Variants in PDZRN3 observed in about 807,000 individuals in gnomAD.
PDZRN3 encodes the protein PDZ domain containing ring finger 3, also known as E3 ubiquitin-protein ligase PDZRN3.
In PDZRN3, 38 loss-of-function variants were observed where a neutral mutation model predicts 85.7. That is an observed-to-expected ratio of 0.44 (90% CI 0.34 to 0.58). The LOEUF (loss-of-function observed/expected upper bound fraction) is 0.58, where lower values mean the gene tolerates loss of function less well. PDZRN3 is among the 20% of genes least tolerant of loss of function. The pLI is 0.01. For missense variants in PDZRN3, 1,629 were observed against 1,506.4 expected (o/e 1.08, Z -1.35); for synonymous variants, 759 against 638.0 (o/e 1.19, Z -2.86).
At chr3:73,449,198 C>T (rs1160322557) in intron 3 of PDZRN3, among the ~76,000 whole-genome samples, 1 of 152,140 alleles carries the variant, frequency 6.6e-6, no homozygotes, top group African/African-American at 2.4e-5. Context: ...GAAGGCAGGA[C>T]AGAGCCTTGG....
chr3:73,426,767 CG>C (rs1194525701), intron 3 of PDZRN3, among the ~76,000 whole-genome samples: 2 of 152,136 alleles, frequency 1.3e-5, no homozygotes, highest in African/African-American at 4.8e-5. Flanking sequence ...CCCACCCCAG[CG>C]TTTCTGATTC....
intron 3 of PDZRN3, among the ~76,000 whole-genome samples, chr3:73,586,562 A>G (rs1016457002): frequency 2.6e-5 from 4 of 152,232 alleles, no homozygotes; most frequent in Non-Finnish European, 4.4e-5. Flanking sequence ...ACACTCAAGC[A>G]GGGCCTTCCT....
chr3:73,506,029 G>A (rs1291277179), intron 3 of PDZRN3, among the ~76,000 whole-genome samples: 1 of 152,020 alleles, frequency 6.6e-6, no homozygotes, highest in Non-Finnish European at 1.5e-5. Context: ...GGCAGGTAGA[G>A]AGCAGGTAGA....
At chr3:73,516,348 G>A (rs1057194510) in intron 3 of PDZRN3, among the ~76,000 whole-genome samples, 2 of 152,170 alleles carry the variant, frequency 1.3e-5, no homozygotes, top group African/African-American at 4.8e-5. Context: ...AACAGTTTAT[G>A]AGTGCTTATG....
chr3:73,500,367 T>C (rs1703953742), intron 3 of PDZRN3, among the ~76,000 whole-genome samples: 1 of 152,138 alleles, frequency 6.6e-6, no homozygotes. Context: ...TATTTATTAT[T>C]ATTTTTTTAA....
At chr3:73,487,434 C>G (rs1703684430) in intron 3 of PDZRN3, among the ~76,000 whole-genome samples, 1 of 152,140 alleles carries the variant, frequency 6.6e-6, no homozygotes, top group South Asian at 2.1e-4. Context: ...ACTCTTTACA[C>G]CTCCCAGGAG....
chr3:73,403,136 CG>C (rs1244087861), intron 4 of PDZRN3, among the ~76,000 whole-genome samples: 1 of 152,034 alleles, frequency 6.6e-6, no homozygotes, highest in Non-Finnish European at 1.5e-5. Flanking sequence ...TTAGTAGAGA[CG>C]GGGTTTCACC....
chr3:73,599,273 G>A (rs1702476392), intron 3 of PDZRN3, among the ~76,000 whole-genome samples: 4 of 152,158 alleles, frequency 2.6e-5, no homozygotes. Context: ...GCCTTAAAGA[G>A]GAAGAAAATT....
chr3:73,454,534 C>T (rs1164363736), intron 3 of PDZRN3, among the ~76,000 whole-genome samples: 1 of 152,196 alleles, frequency 6.6e-6, no homozygotes, highest in Non-Finnish European at 1.5e-5. Context: ...CCTATCCTGA[C>T]TCTGGATTTA....
intron 3 of PDZRN3, among the ~76,000 whole-genome samples, chr3:73,496,660 A>C (rs150716817): frequency 2.3e-3 from 346 of 152,276 alleles, no homozygotes; most frequent in African/African-American, 8.1e-3. Context: ...TCCATATTCA[A>C]ATTTCAACAC....
intron 3 of PDZRN3, among the ~76,000 whole-genome samples, chr3:73,408,844 G>C (rs1701908613): frequency 6.6e-6 from 1 of 152,032 alleles, no homozygotes; most frequent in Non-Finnish European, 1.5e-5. Context: ...CACGCCGTCA[G>C]CCAACCGAGA....
chr3:73,520,241 C>T (rs1414398004), intron 3 of PDZRN3, among the ~76,000 whole-genome samples: 1 of 152,104 alleles, frequency 6.6e-6, no homozygotes, highest in Non-Finnish European at 1.5e-5. Flanking sequence ...TGGTGGCTCA[C>T]ACCTGTAATA....
At chr3:73,559,799 A>G (rs1432778976) in intron 3 of PDZRN3, among the ~76,000 whole-genome samples, 1 of 152,258 alleles carries the variant, frequency 6.6e-6, no homozygotes, top group African/African-American at 2.4e-5. Flanking sequence ...AGGCTGGAAT[A>G]TAGTTTCAAT....
chr3:73,471,258 T>C (rs1199772471), intron 3 of PDZRN3, among the ~76,000 whole-genome samples: 2 of 152,044 alleles, frequency 1.3e-5, no homozygotes, highest in African/African-American at 4.8e-5. Context: ...CGCCAAAGCT[T>C]GCCGGCAAAC....
chr3:73,416,876 G>GTTTTTTTT lies in PDZRN3; in HGVS notation c.919-12489_919-12482dup, dbSNP rs146381615. ...TTTTTTTTTTGTTTGTTTTTTTTTG[G>GTTTTTTTT]TTTTTTTTTTTTTTTTTTTTTTTTT... On this transcript the variant is annotated intron_variant, in intron 3 of 9. Coordinates refer to ENST00000263666, the MANE Select transcript of PDZRN3 (RefSeq NM_015009.3). Among the ~76,000 whole-genome samples the GTTTTTTTT allele has an allele frequency of 1.4e-3, 151 of 110,364 alleles. 2 individuals are homozygous for GTTTTTTTT. Among genetic ancestry groups the GTTTTTTTT allele is most frequent in the Middle Eastern group, 5.4e-3 (1 of 184 alleles). The allele number at this position is 110,364 out of a possible 152,430, so 72.4% of individuals were successfully genotyped here. A position where few individuals can be genotyped will look rare whatever the true frequency, so the allele number is the denominator to read the frequency against.
intron 2 of PDZRN3, among the ~76,000 whole-genome samples, chr3:73,605,852 A>G (rs1702592703): frequency 6.6e-6 from 1 of 152,244 alleles, no homozygotes; most frequent in South Asian, 2.1e-4. Flanking sequence ...AGTTCTTGCA[A>G]AAAGACCACA....
intron 3 of PDZRN3, among the ~76,000 whole-genome samples, chr3:73,478,732 T>A (rs1411923386): frequency 6.6e-6 from 1 of 152,126 alleles, no homozygotes; most frequent in East Asian, 1.9e-4. Flanking sequence ...GTTGTAATAG[T>A]TGTAAAAGGT....
intron 3 of PDZRN3, among the ~76,000 whole-genome samples, chr3:73,566,969 A>C (rs1391121373): frequency 1.3e-5 from 2 of 152,154 alleles, no homozygotes; most frequent in Non-Finnish European, 2.9e-5. Context: ...CCTGGGAATC[A>C]CCTGTCCTTG....
chr3:73,388,999 T>C (rs995803952), intron 7 of PDZRN3, among the ~76,000 whole-genome samples: 7 of 149,026 alleles, frequency 4.7e-5, no homozygotes, highest in African/African-American at 1.5e-4. Flanking sequence ...GTGTGAAGGT[T>C]TGGGTCACTT....
Sources: allele counts gnomAD v4.1 joint callset (sites outside exome capture counted in the v4.1 genomes callset), GRCh38; gene constraint gnomAD v4.1.1; transcripts MANE v1.5; gene names NCBI Gene and HGNC (gene_info 2026-07-23, HGNC 2026-07-21).